The following SON variants were observed in gnomAD, a reference collection of about 807,000 sequenced individuals.
SON encodes protein SON.
SON carries 4 observed loss-of-function variants against 173.3 expected under a neutral mutation model. The ratio of observed to expected loss-of-function variants is 0.02; its 90% CI spans 0.01 to 0.05. SON has a LOEUF of 0.05. SON is among the 10% of genes least tolerant of loss of function. SON has a pLI of 1.00. For missense variants in SON, 2,626 were observed against 3,055.3 expected, an observed-to-expected ratio of 0.86 and a Z score of 3.31; for synonymous variants, 1,190 against 1,105.9, an observed-to-expected ratio of 1.08 and a Z score of -1.51.
Position 33,576,815 on chromosome 21 carries a change from T to G in SON, c.*391T>G, listed in dbSNP as rs1482825990. The G allele has an allele frequency of 2.0e-5, 7 of 341,832 alleles. No homozygotes were observed. Among genetic ancestry groups the G allele is most frequent in the Non-Finnish European group, 4.0e-5 (7 of 173,348 alleles). 21.2% of individuals were successfully genotyped at this position (341,832 alleles called of 1,614,324 possible). A position where few individuals can be genotyped will look rare whatever the true frequency, so the allele number is the denominator to read the frequency against. ...AGTGGCTAACATCCAAACGACTGTTTGAAGGCATCAGAGTAATCTTCAGTG... is the reference window on the plus strand; with the variant it reads ...AGTGGCTAACATCCAAACGACTGTTGGAAGGCATCAGAGTAATCTTCAGTG... On this transcript the variant is annotated 3_prime_UTR_variant, in exon 12 of 12. Coordinates refer to ENST00000356577, the MANE Select transcript of SON (RefSeq NM_138927.4).
chr21:33,555,001 A>G lies in SON; in HGVS notation c.5770A>G (p.Thr1924Ala). ...AAAGACAGTTAGAGCTCGAAGTCGA[A>G]CCCCAAGTCGTCGGAGTCGGAGTCA... ...NRKTVRARSR[T>A]PSRRSRSHTP... The change falls in exon 3 of 12, where the codon ACC becomes GCC. Residue 1924 changes from threonine to alanine, a missense_variant. Physicochemically the swap from Thr to Ala is moderately conservative, Grantham distance 58. Coordinates refer to ENST00000356577, the MANE Select transcript of SON (RefSeq NM_138927.4). The G allele has an allele frequency of 1.9e-6, 3 of 1,613,510 alleles. No individual in the cohort carries two copies. The highest frequency in any genetic ancestry group is 2.5e-6 in the Non-Finnish European group (3 of 1,179,978).
At chr21:33,575,160 C>T (rs530702445) in intron 9 of SON, among the ~76,000 whole-genome samples, 7 of 152,160 alleles carry the variant, frequency 4.6e-5, no homozygotes, top group East Asian at 3.9e-4. Flanking sequence ...CCCAGCCTCC[C>T]GAGTAGCTGG....
chr21:33,547,839 G>A (rs1471765444), intron 2 of SON, among the ~76,000 whole-genome samples: 5 of 147,996 alleles, frequency 3.4e-5, no homozygotes, highest in African/African-American at 9.9e-5. Context: ...CTCAGCCTCC[G>A]GAGTAGCTGG....
At position 33,572,643 on chromosome 21, in the gene SON, T is replaced by G. The variant is rs1422661558; in HGVS notation, c.6886-665T>G. 2.3e-6 allele frequency: 3 copies of G among 1,279,424 alleles called. No homozygotes were observed. In the Admixed American group the frequency reaches 6.9e-5, roughly 30 times the overall value. The allele number at this position is 1,279,424 out of a possible 1,614,324, so 79.3% of individuals were successfully genotyped here. Reference sequence around the variant, plus strand: ...TACCGAGGCCTAGGTATGTAAACATTTAAGGAGTTTTTTAAAAGTCTTTTA... The same window carrying G: ...TACCGAGGCCTAGGTATGTAAACATGTAAGGAGTTTTTTAAAAGTCTTTTA... On this transcript the variant is annotated intron_variant, in intron 8 of 11. Coordinates refer to ENST00000356577, the MANE Select transcript of SON (RefSeq NM_138927.4).
Position 33,554,576 on chromosome 21 carries a change from C to T in SON, c.5345C>T (p.Ser1782Phe). ...AGTATGCCAGAAAGAGCTTCAGAGT[C>T]TTCTTCAGAGGAAAAAGATGATTAT... is the stretch of plus-strand genomic sequence containing the variant. ...VSSMPERASE[S>F]SSEEKDDYEI... Residue 1782 changes from serine to phenylalanine, a missense_variant, in exon 3 of 12, where the codon TCT (serine) becomes TTT (phenylalanine). This residue lies in a region of SON where 1,006 missense variants were observed against 895.6 expected (regional missense o/e 1.12). Transcript: ENST00000356577. 1 of 1,613,874 alleles carries T rather than the reference C, an allele frequency of 6.2e-7. No individual in the cohort carries two copies. Among genetic ancestry groups the T allele is most frequent in the Non-Finnish European group, 8.5e-7 (1 of 1,180,002 alleles).
intron 8 of SON, 185 bp from the exon 9 acceptor site, chr21:33,573,123 G>A (rs973170248): frequency 1.1e-5 from 5 of 454,384 alleles, no homozygotes; most frequent in African/African-American, 4.1e-5. Context: ...ATACTATTAC[G>A]TTAATGTGCA....
At position 33,569,003 on chromosome 21, in the gene SON, T is replaced by G; in HGVS notation, c.6801T>G (p.Pro2267=). ...IDAWAQLNSI[P]GQFTGSTGVQ... ...CCTGGGCTCAGCTGAACTCTATTCC[T>G]GGCCAGTTCACAGGAAGTACAGGAG... The change falls in exon 8 of 12, where the codon CCT becomes CCG. Residue 2267 remains proline (P), a synonymous_variant. Transcript: ENST00000356577. The G allele has an allele frequency of 6.2e-7, 1 of 1,612,410 alleles. No individual in the cohort carries two copies. Among genetic ancestry groups the G allele is most frequent in the Non-Finnish European group, 8.5e-7 (1 of 1,179,086 alleles).
At chr21:33,557,387 A>G (rs890521208) in intron 4 of SON, 71 bp downstream of exon 4, 13 of 1,579,140 alleles carry the variant, frequency 8.2e-6, no homozygotes, top group Admixed American at 7.1e-5. Flanking sequence ...GAGCGTGCCA[A>G]AACCCGAATT....
intron 1 of SON, among the ~76,000 whole-genome samples, chr21:33,545,324 TTAA>T (rs1445011552): frequency 1.3e-5 from 2 of 152,208 alleles, no homozygotes; most frequent in Admixed American, 1.3e-4. Context: ...CAGATGTTCC[TTAA>T]TAATAATTAG....
At position 33,575,624 on chromosome 21, in the gene SON, A is replaced by G. The variant is rs2086382863; in HGVS notation, c.7062A>G (p.Gln2354=). The change falls in exon 10 of 12, where the codon CAA becomes CAG. Residue 2354 remains glutamine (Q), a synonymous_variant. Coordinates refer to ENST00000356577, the MANE Select transcript of SON (RefSeq NM_138927.4). ...KGLVAVGERA[Q]KRSGNFSAAM... ...TTGTTGCAGTAGGAGAAAGAGCACA[A>G]AAGAGGTCTGGGAACTTCTCTGCTG... 6.2e-7 allele frequency: 1 copy of G among 1,612,570 alleles called. No homozygotes were observed. The highest frequency in any genetic ancestry group is 8.5e-7 in the Non-Finnish European group (1 of 1,179,556).
chr21:33,567,787 C>T (rs1222861585), intron 7 of SON, among the ~76,000 whole-genome samples: 1 of 152,030 alleles, frequency 6.6e-6, no homozygotes, highest in Admixed American at 6.5e-5. Flanking sequence ...GTGTTGCATG[C>T]CTGTAATGCC....
chr21:33,560,515 G>A lies in SON; in HGVS notation c.6657+740G>A, dbSNP rs954154760. On this transcript the variant is annotated intron_variant, in intron 6 of 11. Coordinates refer to ENST00000356577, the MANE Select transcript of SON (RefSeq NM_138927.4). ...GTCAAAACAACCCCATTAAAATGCC[G>A]CCTGATTAAATAATGTGCTGCTAAA... 41 of 997,492 alleles carry A rather than the reference G, an allele frequency of 4.1e-5. No individual in the cohort carries two copies. In the South Asian group the frequency reaches 6.7e-4, roughly 16 times the overall value. 61.8% of individuals were successfully genotyped at this position (997,492 alleles called of 1,614,324 possible). A position where few individuals can be genotyped will look rare whatever the true frequency, so the allele number is the denominator to read the frequency against.
intron 4 of SON, 33 bp downstream of exon 4, chr21:33,557,349 A>G (rs2145846001): frequency 6.2e-7 from 1 of 1,610,630 alleles, no homozygotes; most frequent in East Asian, 2.2e-5. Context: ...TCATTCTTAA[A>G]TGGATTATTC....
Position 33,559,180 on chromosome 21 carries a change from G to A in SON, c.6322-50G>A. On this transcript the variant is annotated intron_variant, in intron 4 of 11. Coordinates refer to ENST00000356577, the MANE Select transcript of SON (RefSeq NM_138927.4). The surrounding 1 kb of genome is among the most constrained non-coding windows in gnomAD (Gnocchi z 4.1). ...TGGTTTTGATTCTAAGAAATTACAT[G>A]TTCTACATAAAGCGTAAGATTTATC... 1.4e-6 allele frequency: 2 copies of A among 1,381,906 alleles called. No individual in the cohort carries two copies. The highest frequency in any genetic ancestry group is 1.5e-5 in the African/African-American group (1 of 67,472). 85.6% of individuals were successfully genotyped at this position (1,381,906 alleles called of 1,614,324 possible). A position where few individuals can be genotyped will look rare whatever the true frequency, so the allele number is the denominator to read the frequency against.
At chr21:33,543,424 C>T (rs1315029469) in intron 1 of SON, 1 of 536,750 alleles carries the variant, frequency 1.9e-6, no homozygotes, top group African/African-American at 1.9e-5. Flanking sequence ...GATGTTCACC[C>T]TTCTCCCCTG....
At chr21:33,570,737 A>G (rs968322786) in intron 8 of SON, among the ~76,000 whole-genome samples, 1 of 152,160 alleles carries the variant, frequency 6.6e-6, no homozygotes, top group Non-Finnish European at 1.5e-5. Context: ...GTACTCAGCC[A>G]GTATTTCAGG....
Position 33,552,812 on chromosome 21 carries a change from C to T in SON, c.3581C>T (p.Thr1194Ile). The T allele has an allele frequency of 1.2e-6, 2 of 1,613,924 alleles. No homozygotes were observed. Among genetic ancestry groups the T allele is most frequent in the Non-Finnish European group, 1.7e-6 (2 of 1,179,948 alleles). The change falls in exon 3 of 12, where the codon ACT becomes ATT. Residue 1194 changes from threonine (T) to isoleucine (I), a missense_variant. By Grantham distance (89) the Thr-to-Ile change is moderately conservative (BLOSUM62 -1). This residue lies in a region of SON where 1,006 missense variants were observed against 895.6 expected (regional missense o/e 1.12). Transcript: ENST00000356577. The surrounding 1 kb of genome is among the most constrained non-coding windows in gnomAD (Gnocchi z 5.6). ...CAGTCAGCATTAACAGCTGAAAATACTTGGCCTACAGAGGTGCCATCATCA... is the reference window on the plus strand; with the variant it reads ...CAGTCAGCATTAACAGCTGAAAATATTTGGCCTACAGAGGTGCCATCATCA... Reference protein sequence around the residue: ...TEQSALTAENTWPTEVPSSPS... With the variant: ...TEQSALTAENIWPTEVPSSPS...
At chr21:33,543,205 C>T (rs375512696) in intron 1 of SON, 36 bp downstream of exon 1, 3 of 1,547,792 alleles carry the variant, frequency 1.9e-6, no homozygotes, top group African/African-American at 1.4e-5. Flanking sequence ...TCCCAACGGA[C>T]CGTTAGGCCC....
In SON at chr21:33,554,043, T is replaced by C; in HGVS notation, c.4812T>C (p.Asp1604=). 6.2e-7 allele frequency: 1 copy of C among 1,614,120 alleles called. No individual in the cohort carries two copies. Among genetic ancestry groups the C allele is most frequent in the South Asian group, 1.1e-5 (1 of 91,078 alleles). Residue 1604 remains aspartate (D), a synonymous_variant, in exon 3 of 12, where the codon GAT becomes GAC. Transcript: ENST00000356577. The stretch of plus-strand genomic sequence containing the variant: ...CTGGTCCTTTTGCTCTGGAACCTGA[T>C]GCAACAGGAACTAGTAAGGGTATTG... ...SSTGPFALEP[D]ATGTSKGIEF...
Sources: allele counts gnomAD v4.1 joint callset (sites outside exome capture counted in the v4.1 genomes callset), GRCh38; gene constraint gnomAD v4.1.1; regional missense constraint gnomAD v4.1.1; non-coding constraint Gnocchi (gnomAD v3.1); transcripts MANE v1.5; gene names NCBI Gene and HGNC (gene_info 2026-07-23, HGNC 2026-07-21).